PROZ: variants seen among roughly 807,000 people sequenced by gnomAD.
PROZ encodes the protein vitamin K-dependent protein Z.
PROZ carries 46 observed loss-of-function variants against 34.9 expected under a neutral mutation model. That is an observed-to-expected ratio of 1.32 (90% CI 1.04 to 1.69). The LOEUF is 1.69. Among genes scored for constraint, PROZ ranks in the 40% most tolerant of loss-of-function variants. The pLI, the probability that PROZ is intolerant of heterozygous loss-of-function variation, is 0.00. For missense variants in PROZ, 530 were observed against 520.4 expected, an observed-to-expected ratio of 1.02 and a Z score of -0.18; for synonymous variants, 195 against 208.5, an observed-to-expected ratio of 0.94 and a Z score of 0.56.
intron 5 of PROZ, 173 bp from the exon 6 acceptor site, chr13:113,164,880 T>C (rs2036875581): frequency 2.1e-6 from 2 of 947,424 alleles, no homozygotes; most frequent in African/African-American, 1.6e-5. Context: ...TGAGGGGTGG[T>C]TTAACTCCAG....
chr13:113,160,758 T>C (rs565957315), intron 2 of PROZ, among the ~76,000 whole-genome samples, 190 bp from the exon 3 acceptor site: 1 of 152,296 alleles, frequency 6.6e-6, no homozygotes, highest in Admixed American at 6.5e-5. Flanking sequence ...ATCTTACAGA[T>C]ACATTTAGTT....
chr13:113,166,990 G>A (rs2036955828), intron 6 of PROZ, among the ~76,000 whole-genome samples: 1 of 152,144 alleles, frequency 6.6e-6, no homozygotes, highest in African/African-American at 2.4e-5. Context: ...ACTGACTTAG[G>A]CAGGCTACAT....
Position 113,170,465 on chromosome 13 carries a change from G to A in PROZ, c.626G>A (p.Arg209Gln), listed in dbSNP as rs538052600. Residue 209 changes from arginine (R) to glutamine (Q), a missense_variant, in exon 7 of 8, where the codon CGG becomes CAG. By Grantham distance (43) the Arg-to-Gln change is conservative. Transcript: ENST00000375547. ...GACTTCTGTGGTGGTGTTATAATAC[G>A]GGAAAATTTTGTACTGACAACAGCA... The part of the protein sequence containing the change: ...GKDFCGGVII[R>Q]ENFVLTTAKC... The A allele has an allele frequency of 3.7e-6, 6 of 1,611,266 alleles. No homozygotes were observed. The highest frequency in any genetic ancestry group is 3.4e-6 in the Non-Finnish European group (4 of 1,177,496).
chr13:113,165,187 A>G (rs2036889198), intron 6 of PROZ, 67 bp downstream of exon 6: 1 of 1,502,482 alleles, frequency 6.7e-7, no homozygotes. Flanking sequence ...TCATTTCCTA[A>G]ATAGAAATGT....
At chr13:113,166,487 C>A (rs925904287) in intron 6 of PROZ, 1 of 152,158 alleles carries the variant, frequency 6.6e-6, no homozygotes, top group African/African-American at 2.4e-5. Flanking sequence ...CCGACTCTTA[C>A]AAGACAGCTG....
In PROZ at chr13:113,159,654, T is replaced by C. The variant is rs971954706; in HGVS notation, c.71-360T>C. On this transcript the variant is annotated intron_variant, in intron 1 of 7. Transcript: ENST00000375547. This position sits in a 1 kb window ranked among gnomAD's most constrained non-coding sequence, Gnocchi z 4.6. ...CAGAGGCAGCACAGGAGCTGATGGCTCTTGGTCCCCAGTTCTCAGTACGGG... is the reference window on the plus strand; with the variant it reads ...CAGAGGCAGCACAGGAGCTGATGGCCCTTGGTCCCCAGTTCTCAGTACGGG... 6.6e-6 allele frequency among the ~76,000 whole-genome samples: 1 copy of C among 152,248 alleles called. No individual in the cohort carries two copies. The highest frequency in any genetic ancestry group is 1.5e-5 in the Non-Finnish European group (1 of 68,046).
chr13:113,172,046 A>G lies in PROZ; in HGVS notation c.1144A>G (p.Met382Val). ...GCAGCCAGTAGGAGGGCAGGCTCACATGGTCCTTGTCACCAAGGTCTCCAG... is the reference window on the plus strand; with the variant it reads ...GCAGCCAGTAGGAGGGCAGGCTCACGTGGTCCTTGTCACCAAGGTCTCCAG... ...GSQPVGGQAH[M>V]VLVTKVSRYS... is the part of the protein sequence containing the mutation. Residue 382 changes from methionine (M) to valine (V), a missense_variant, in exon 8 of 8, where the codon ATG becomes GTG. Coordinates refer to ENST00000375547, the MANE Select transcript of PROZ (RefSeq NM_003891.3). 2.5e-6 allele frequency: 4 copies of G among 1,613,114 alleles called. No homozygotes were observed. Among genetic ancestry groups the G allele is most frequent in the Non-Finnish European group, 1.7e-6 (2 of 1,180,030 alleles).
Position 113,160,129 on chromosome 13 carries a change from C to G in PROZ, c.186C>G (p.Ile62Met), listed in dbSNP as rs1397255477. 1.2e-6 allele frequency: 2 copies of G among 1,614,126 alleles called. No homozygotes were observed. The highest frequency in any genetic ancestry group is 2.2e-5 in the East Asian group (1 of 44,890). ...GNLEKECYEE[I>M]CVYEEAREVF... ...TGGAAAAAGAATGTTATGAAGAAAT[C>G]TGTGTCTATGAAGAAGCAAGAGAAG... Residue 62 changes from isoleucine to methionine, a missense_variant, in exon 2 of 8, where the codon ATC (isoleucine) becomes ATG (methionine). Physicochemically the swap from Ile to Met is conservative, Grantham distance 10. Transcript: ENST00000375547.
In PROZ at chr13:113,164,565, C is replaced by T. The variant is rs746946182; in HGVS notation, c.426C>T (p.Leu142=). The part of the protein sequence containing the change: ...ERTDGCQHFC[L]PGQESYTCSC... ...CTGATGGGTGTCAACACTTCTGCCT[C>T]CCAGGACAGGAATCCTACACATGCA... The change falls in exon 5 of 8, where the codon CTC becomes CTT. Residue 142 remains leucine, a synonymous_variant. Transcript: ENST00000375547. 1 of 1,613,656 alleles carries T rather than the reference C, an allele frequency of 6.2e-7. No homozygotes were observed. Among genetic ancestry groups the T allele is most frequent in the East Asian group, 2.2e-5 (1 of 44,878 alleles).
intron 6 of PROZ, among the ~76,000 whole-genome samples, chr13:113,167,258 C>T (rs1340889729): frequency 6.6e-6 from 1 of 152,136 alleles, no homozygotes; most frequent in Non-Finnish European, 1.5e-5. Flanking sequence ...AGGATCTCAC[C>T]CCTAGAGGTG....
At chr13:113,164,213 C>G (rs764900188) in intron 4 of PROZ, among the ~76,000 whole-genome samples, 1 of 152,028 alleles carries the variant, frequency 6.6e-6, no homozygotes, top group Non-Finnish European at 1.5e-5. Flanking sequence ...CTCCTGACCT[C>G]GTGATCCGCC....
chr13:113,164,185 G>A (rs574467625), intron 4 of PROZ, among the ~76,000 whole-genome samples: 138 of 152,056 alleles, frequency 9.1e-4, no homozygotes, highest in Non-Finnish European at 1.5e-3. Flanking sequence ...TCACCATGTT[G>A]GCCAGGCTGG....
chr13:113,160,466 T>C (rs1236902308), intron 2 of PROZ, among the ~76,000 whole-genome samples: 1 of 152,196 alleles, frequency 6.6e-6, no homozygotes, highest in Non-Finnish European at 1.5e-5. Flanking sequence ...ACATTTTCTT[T>C]CTAGGCTTCA....
At chr13:113,160,506 C>T (rs2036741318) in intron 2 of PROZ, among the ~76,000 whole-genome samples, 1 of 152,186 alleles carries the variant, frequency 6.6e-6, no homozygotes, top group African/African-American at 2.4e-5. Context: ...ATTTTAGATA[C>T]TCCTACCCCA....
In PROZ at chr13:113,165,063, C is replaced by T. The variant is rs1267324804; in HGVS notation, c.516C>T (p.Ala172=). The change falls in exon 6 of 8, where the codon GCC becomes GCT. Residue 172 remains alanine (A), a synonymous_variant. Transcript: ENST00000375547. ...HKQCVPHDQC[A]CGVLTSEKRA... ...CTGCCGCAAATGCAGACCAGTGTGC[C>T]TGCGGGGTGCTGACCTCTGAGAAGC... 1.9e-6 allele frequency: 3 copies of T among 1,613,340 alleles called. No homozygotes were observed. The highest frequency in any genetic ancestry group is 1.3e-5 in the African/African-American group (1 of 74,944).
At chr13:113,165,899 G>C (rs2036916776) in intron 6 of PROZ, among the ~76,000 whole-genome samples, 3 of 152,326 alleles carry the variant, frequency 2.0e-5, no homozygotes, top group Admixed American at 1.3e-4. Flanking sequence ...AGCACAAGTA[G>C]TCAGCTATTT....
chr13:113,159,105 C>T lies in PROZ; in HGVS notation c.70+375C>T, dbSNP rs1406305747. 2.1e-5 allele frequency: 22 copies of T among 1,034,000 alleles called. No homozygotes were observed. The highest frequency in any genetic ancestry group is 2.6e-5 in the Non-Finnish European group (18 of 684,376). The allele number at this position is 1,034,000 out of a possible 1,614,324, so 64.1% of individuals were successfully genotyped here. A position where few individuals can be genotyped will look rare whatever the true frequency, so the allele number is the denominator to read the frequency against. On this transcript the variant is annotated intron_variant, in intron 1 of 7. Coordinates refer to ENST00000375547, the MANE Select transcript of PROZ (RefSeq NM_003891.3). The surrounding 1 kb of genome is among the most constrained non-coding windows in gnomAD (Gnocchi z 4.6). ...CAGACTGCAATGTGGGCAGAGAGAG[C>T]CTTGGCCAGGCCAGCCAGGAATGCC...
intron 6 of PROZ, among the ~76,000 whole-genome samples, chr13:113,170,068 G>T (rs2037063643): frequency 6.6e-6 from 1 of 152,162 alleles, no homozygotes; most frequent in African/African-American, 2.4e-5. Flanking sequence ...TGAGACCGTT[G>T]TTTCTTGGGG....
intron 3 of PROZ, among the ~76,000 whole-genome samples, chr13:113,161,462 G>A (rs1391130889): frequency 6.6e-6 from 1 of 152,264 alleles, no homozygotes; most frequent in East Asian, 1.9e-4. Flanking sequence ...CCACGGGGCT[G>A]GGGGAGGCCA....
Sources: allele counts gnomAD v4.1 joint callset (sites outside exome capture counted in the v4.1 genomes callset), GRCh38; gene constraint gnomAD v4.1.1; non-coding constraint Gnocchi (gnomAD v3.1); transcripts MANE v1.5; gene names NCBI Gene and HGNC (gene_info 2026-07-23, HGNC 2026-07-21).